Variants in MANBA observed in about 807,000 individuals in gnomAD.
MANBA encodes the protein mannosidase beta.
Under a neutral mutation model 111.1 loss-of-function variants are expected in MANBA, and 83 were observed. That is an observed-to-expected ratio of 0.75 (90% CI 0.63 to 0.90). The LOEUF is 0.90. Among genes scored for constraint, MANBA ranks in the 40% least tolerant of loss-of-function variants. The probability of loss-of-function intolerance (pLI) is 0.00; values close to 1 mark genes in which losing one functional copy is unlikely to be tolerated. For synonymous variants in MANBA, 370 were observed against 378.7 expected (o/e 0.98, Z 0.27); for missense variants, 1,036 against 1,069.0 (o/e 0.97, Z 0.43).
intron 5 of MANBA, among the ~76,000 whole-genome samples, chr4:102,713,723 C>T (rs1722183735): frequency 1.3e-5 from 2 of 151,776 alleles, no homozygotes; most frequent in South Asian, 2.1e-4. Context: ...ATGGAGAAAC[C>T]CCATCTCTAC....
intron 7 of MANBA, among the ~76,000 whole-genome samples, chr4:102,679,452 A>G (rs1288594671): frequency 1.3e-5 from 2 of 152,176 alleles, no homozygotes; most frequent in African/African-American, 4.8e-5. Context: ...CCAGTTTTTT[A>G]AAAAAGTAAA....
chr4:102,726,724 T>A (rs771113573), intron 1 of MANBA, 41 bp from the exon 2 acceptor site: 2 of 890,092 alleles, frequency 2.2e-6, no homozygotes, highest in South Asian at 2.7e-5. Flanking sequence ...TGGTTAAATA[T>A]GCACAAATAA....
At chr4:102,654,891 A>G (rs1215123997) in intron 12 of MANBA, among the ~76,000 whole-genome samples, 1 of 152,180 alleles carries the variant, frequency 6.6e-6, no homozygotes, top group Non-Finnish European at 1.5e-5. Flanking sequence ...AAGAAGCAAT[A>G]TTATTAATAT....
chr4:102,631,734 A>G lies in MANBA; in HGVS notation c.*323T>C. The G allele has an allele frequency of 1.8e-6, 1 of 562,694 alleles. No homozygotes were observed. The highest frequency in any genetic ancestry group is 3.1e-6 in the Non-Finnish European group (1 of 319,508). 34.9% of individuals were successfully genotyped at this position (562,694 alleles called of 1,614,324 possible). ...TTGGTTCCATAGATCCTGCCATGTC[A>G]CATTCTTGTAACCAGCTGCAGGGCC... On this transcript the variant is annotated 3_prime_UTR_variant, in exon 17 of 17. Coordinates refer to ENST00000647097, the MANE Select transcript of MANBA (RefSeq NM_005908.4).
intron 5 of MANBA, among the ~76,000 whole-genome samples, chr4:102,694,369 A>G (rs1320981436): frequency 2.6e-5 from 4 of 152,170 alleles, no homozygotes; most frequent in Admixed American, 2.0e-4. Context: ...ATTTAGGTTC[A>G]CAAGGCGCAA....
intron 14 of MANBA, 37 bp from the exon 15 acceptor site, chr4:102,636,044 C>A: frequency 1.9e-6 from 3 of 1,595,772 alleles, no homozygotes; most frequent in Middle Eastern, 1.7e-4. Context: ...ACGGCAAGGT[C>A]AAGTAGTCAG....
chr4:102,677,707 G>A (rs1560768113), intron 7 of MANBA, among the ~76,000 whole-genome samples: 1 of 152,100 alleles, frequency 6.6e-6, no homozygotes, highest in Non-Finnish European at 1.5e-5. Context: ...TGTTTCAACC[G>A]AAACAACATA....
chr4:102,695,093 T>TA (rs552742280), intron 5 of MANBA, among the ~76,000 whole-genome samples: 1 of 152,106 alleles, frequency 6.6e-6, no homozygotes, highest in South Asian at 2.1e-4. Flanking sequence ...AACAGCTACA[T>TA]AGCCTAGATT....
chr4:102,747,985 T>C (rs1309637700), intron 1 of MANBA, among the ~76,000 whole-genome samples: 1 of 152,194 alleles, frequency 6.6e-6, no homozygotes, highest in Admixed American at 6.5e-5. Context: ...TTAGAATAAA[T>C]GCCTGCAGAC....
intron 11 of MANBA, among the ~76,000 whole-genome samples, chr4:102,660,335 T>A (rs77295620): frequency 0.013 from 2,042 of 152,280 alleles, 46 homozygotes; most frequent in African/African-American, 0.044. Context: ...ATGACCTCCA[T>A]GACCTTGGGG....
rs1448696581 is a variant in MANBA at position 102,722,930 on chromosome 4, G to A, written c.490C>T (p.Pro164Ser). 2 of 1,614,026 alleles carry A rather than the reference G, an allele frequency of 1.2e-6. No individual in the cohort carries two copies. The highest frequency in any genetic ancestry group is 2.2e-5 in the East Asian group (1 of 44,896). ...QSKAHTRYQVPPDCPPLVQKG... is the reference protein window; with the variant it reads ...QSKAHTRYQVSPDCPPLVQKG... Reference sequence around the variant, plus strand: ...TGCACAAGTGGAGGGCAGTCTGGGGGAACCTGGTAGCGAGTGTGAGCTTTG... The same window carrying A: ...TGCACAAGTGGAGGGCAGTCTGGGGAAACCTGGTAGCGAGTGTGAGCTTTG... Residue 164 changes from proline (P) to serine (S), a missense_variant, in exon 4 of 17, where the codon CCC (proline) becomes TCC (serine). Pro to Ser is a moderately conservative substitution (Grantham distance 74). Coordinates refer to ENST00000647097, the MANE Select transcript of MANBA (RefSeq NM_005908.4).
chr4:102,632,141 A>C lies in MANBA; in HGVS notation c.2556T>G (p.Thr852=), dbSNP rs749762778. 2.5e-6 allele frequency: 4 copies of C among 1,613,450 alleles called. No homozygotes were observed. The highest frequency in any genetic ancestry group is 3.4e-6 in the Non-Finnish European group (4 of 1,179,540). The change falls in exon 17 of 17, where the codon ACT becomes ACG. Residue 852 remains threonine (T), a synonymous_variant. Coordinates refer to ENST00000647097, the MANE Select transcript of MANBA (RefSeq NM_005908.4). The stretch of plus-strand genomic sequence containing the variant: ...TGGGCTCCCAAGGGTAAAATAATAT[A>C]GTTCGTGTCTTCTCAGTCATGAGGA... ...NGFLMTEKTR[T]ILFYPWEPTS... is the part of the protein sequence containing the mutation.
chr4:102,668,369 T>G (rs1487417266), intron 10 of MANBA: 1 of 153,560 alleles, frequency 6.5e-6, no homozygotes, highest in Non-Finnish European at 1.4e-5. Context: ...GAAGCTTTTC[T>G]CTTAACAGGA....
Position 102,690,659 on chromosome 4 carries a change from C to T in MANBA, c.786G>A (p.Gln262=), listed in dbSNP as rs752631824. ...IVAIPKLQTQ[Q]TYSIELQPGK... is the part of the protein sequence containing the mutation. ...CAGGTTGAAGTTCAATGCTGTATGT[C>T]TGTTGTGTTTGCAACTTAGGGATGG... The change falls in exon 6 of 17, where the codon CAG becomes CAA. Residue 262 remains glutamine, a synonymous_variant. Transcript: ENST00000647097. The T allele has an allele frequency of 6.2e-7, 1 of 1,612,598 alleles. No homozygotes were observed. The highest frequency in any genetic ancestry group is 1.7e-5 in the Admixed American group (1 of 59,958).
In MANBA at chr4:102,715,010, G is replaced by A. The variant is rs74898240; in HGVS notation, c.550-449C>T. Among the ~76,000 whole-genome samples, 7 of 152,194 alleles carry A rather than the reference G, an allele frequency of 4.6e-5. No homozygotes were observed. The East Asian group carries it at 1.4e-3, about 29-fold the overall frequency. The stretch of plus-strand genomic sequence containing the variant: ...AGGACTTCAACATATGAATTTGGGG[G>A]GACCACAAGTTAGTGCAAAACTGTG... On this transcript the variant is annotated intron_variant, in intron 4 of 16. Coordinates refer to ENST00000647097, the MANE Select transcript of MANBA (RefSeq NM_005908.4).
At chr4:102,634,622 T>C (rs1729532822) in intron 16 of MANBA, among the ~76,000 whole-genome samples, 166 bp downstream of exon 16, 1 of 152,206 alleles carries the variant, frequency 6.6e-6, no homozygotes, top group African/African-American at 2.4e-5. Context: ...ATAGAAATCA[T>C]TTGGTGTTTG....
At position 102,671,401 on chromosome 4, in the gene MANBA, G is replaced by A. The variant is rs919183854; in HGVS notation, c.1113-3C>T. The stretch of plus-strand genomic sequence containing the variant: ...CAGACTGTAAAAGGAGCCGTAACCT[G>A]TAGAAGACATTTTAGAAACAAATCA... On this transcript the variant is annotated splice_polypyrimidine_tract_variant and splice_region_variant and intron_variant, in intron 8 of 16. Coordinates refer to ENST00000647097, the MANE Select transcript of MANBA (RefSeq NM_005908.4). 1.3e-6 allele frequency: 2 copies of A among 1,524,978 alleles called. No individual in the cohort carries two copies. The highest frequency in any genetic ancestry group is 1.7e-5 in the Admixed American group (1 of 59,792). The allele number at this position is 1,524,978 out of a possible 1,614,324, so 94.5% of individuals were successfully genotyped here. A position where few individuals can be genotyped will look rare whatever the true frequency, so the allele number is the denominator to read the frequency against.
intron 8 of MANBA, chr4:102,671,916 T>A (rs1731515755): frequency 4.8e-6 from 2 of 413,440 alleles, no homozygotes; most frequent in Non-Finnish European, 8.5e-6. Flanking sequence ...GCATGTACCT[T>A]CCCTCCATTC....
At chr4:102,756,471 C>A (rs1342663293) in intron 1 of MANBA, among the ~76,000 whole-genome samples, 1 of 151,888 alleles carries the variant, frequency 6.6e-6, no homozygotes, top group Admixed American at 6.6e-5. Flanking sequence ...TGGGACCTGT[C>A]ATGAGGTTGG....
Sources: allele counts gnomAD v4.1 joint callset (sites outside exome capture counted in the v4.1 genomes callset), GRCh38; gene constraint gnomAD v4.1.1; transcripts MANE v1.5; gene names NCBI Gene and HGNC (gene_info 2026-07-23, HGNC 2026-07-21).